The following PTPN4 variants were observed in gnomAD, a reference collection of about 807,000 sequenced individuals.
PTPN4 encodes the protein tyrosine-protein phosphatase non-receptor type 4.
In PTPN4, 49 loss-of-function variants were observed where a neutral mutation model predicts 135.5. The ratio of observed to expected loss-of-function variants is 0.36; its 90% CI spans 0.29 to 0.46. The LOEUF is 0.46. PTPN4 is among the 20% of genes least tolerant of loss of function. The probability of loss-of-function intolerance (pLI) is 1.00; values close to 1 mark genes in which losing one functional copy is unlikely to be tolerated. For missense variants in PTPN4, 860 were observed against 1,101.0 expected, an observed-to-expected ratio of 0.78 and a Z score of 3.10; for synonymous variants, 333 against 369.9, an observed-to-expected ratio of 0.90 and a Z score of 1.14.
intron 1 of PTPN4, among the ~76,000 whole-genome samples, chr2:119,773,807 C>T (rs1690779604): frequency 6.6e-6 from 1 of 151,356 alleles, no homozygotes; most frequent in South Asian, 2.1e-4. Context: ...AGATACTAGT[C>T]TACTTTATCA....
intron 2 of PTPN4, among the ~76,000 whole-genome samples, chr2:119,849,663 A>G (rs1677561944): frequency 1.3e-5 from 2 of 152,098 alleles, no homozygotes; most frequent in Admixed American, 1.3e-4. Context: ...CCTCCCTTCC[A>G]AGGCTTGTCG....
chr2:119,830,741 C>T (rs1173038739), intron 2 of PTPN4, among the ~76,000 whole-genome samples: 4 of 152,098 alleles, frequency 2.6e-5, no homozygotes, highest in Non-Finnish European at 5.9e-5. Flanking sequence ...GTGCTACAGG[C>T]ATGAGCCACC....
intron 22 of PTPN4, among the ~76,000 whole-genome samples, chr2:119,959,396 T>G (rs941142316): frequency 6.6e-6 from 1 of 152,206 alleles, no homozygotes; most frequent in Non-Finnish European, 1.5e-5. Flanking sequence ...GAGCAAAAGT[T>G]TGGTAATACT....
Position 119,962,662 on chromosome 2 carries a change from A to G in PTPN4, c.2327A>G (p.Tyr776Cys), listed in dbSNP as rs1480205687. Residue 776 changes from tyrosine (Y) to cysteine (C), a missense_variant, in exon 24 of 27, where the codon TAT (tyrosine) becomes TGT (cysteine). Tyr to Cys is a radical substitution (Grantham distance 194). Coordinates refer to ENST00000263708, the MANE Select transcript of PTPN4 (RefSeq NM_002830.4). ...YWPEPTGSSS[Y>C]GCYQVTCHSE... Reference sequence around the variant, plus strand: ...CCAGAACCCACAGGCAGTTCATCTTATGGATGCTACCAAGTTACCTGCCAC... The same window carrying G: ...CCAGAACCCACAGGCAGTTCATCTTGTGGATGCTACCAAGTTACCTGCCAC... 6.3e-7 allele frequency: 1 copy of G among 1,585,728 alleles called. No individual in the cohort carries two copies. The highest frequency in any genetic ancestry group is 1.7e-5 in the Admixed American group (1 of 58,924).
At position 119,795,449 on chromosome 2, in the gene PTPN4, C is replaced by T. The variant is rs902952578; in HGVS notation, c.-17-14388C>T. 9.2e-5 allele frequency among the ~76,000 whole-genome samples: 14 copies of T among 152,238 alleles called. No homozygotes were observed. In the East Asian group the frequency reaches 1.7e-3, roughly 19 times the overall value. On this transcript the variant is annotated intron_variant, in intron 1 of 26. Coordinates refer to ENST00000263708, the MANE Select transcript of PTPN4 (RefSeq NM_002830.4). ...CCCTCCTCGGCCTTTCTCCTGTGCT[C>T]GTTGGCACCCAAAGTCCAGAGGGGG...
At chr2:119,829,683 T>C (rs1677192884) in intron 2 of PTPN4, among the ~76,000 whole-genome samples, 1 of 152,264 alleles carries the variant, frequency 6.6e-6, no homozygotes. Flanking sequence ...AATGTTTTAT[T>C]GTATGGGTAT....
At chr2:119,810,228 G>T (rs1691553610) in intron 2 of PTPN4, among the ~76,000 whole-genome samples, 1 of 152,164 alleles carries the variant, frequency 6.6e-6, no homozygotes, top group Non-Finnish European at 1.5e-5. Context: ...GATTAGTAGA[G>T]CAGATCCATA....
At position 119,844,299 on chromosome 2, in the gene PTPN4, CCCGGACGGGGCGGCTGG is replaced by C. The variant is rs1373525974; in HGVS notation, c.139-18215_139-18199del. ...GGAGGGCTCACCCCCCCACCTCCCT[CCCGGACGGGGCGGCTGG>C]CCGGACGGGGCGGCTGGCCGGGCGG... On this transcript the variant is annotated intron_variant, in intron 2 of 26. Transcript: ENST00000263708. Among the ~76,000 whole-genome samples the C allele has an allele frequency of 8.8e-4, 120 of 136,000 alleles. 1 individual carries two copies. Among genetic ancestry groups the C allele is most frequent in the Non-Finnish European group, 1.2e-3 (73 of 61,950 alleles). 89.2% of individuals were successfully genotyped at this position (136,000 alleles called of 152,430 possible).
At chr2:119,912,158 G>A (rs968950287) in intron 10 of PTPN4, among the ~76,000 whole-genome samples, 6 of 152,102 alleles carry the variant, frequency 3.9e-5, no homozygotes, top group Non-Finnish European at 5.9e-5. Context: ...ATAATTAAGC[G>A]GAGTGACAAG....
chr2:119,916,271 T>C (rs948311107), intron 11 of PTPN4: 2 of 150,986 alleles, frequency 1.3e-5, no homozygotes, highest in South Asian at 4.2e-4. Context: ...CTTGGAAGGC[T>C]GAGGTGGGTG....
intron 2 of PTPN4, among the ~76,000 whole-genome samples, chr2:119,846,903 G>A (rs1258605405): frequency 6.6e-6 from 1 of 150,632 alleles, no homozygotes; most frequent in African/African-American, 2.4e-5. Flanking sequence ...CCCTTCTTGT[G>A]CTATTATTCT....
chr2:119,813,736 G>A (rs918470760), intron 2 of PTPN4, among the ~76,000 whole-genome samples: 1 of 152,156 alleles, frequency 6.6e-6, no homozygotes, highest in African/African-American at 2.4e-5. Flanking sequence ...CATCATGTGG[G>A]ATCAGAAATG....
At chr2:119,790,040 T>C (rs572640243) in intron 1 of PTPN4, among the ~76,000 whole-genome samples, 4 of 152,282 alleles carry the variant, frequency 2.6e-5, no homozygotes, top group Admixed American at 6.5e-5. Flanking sequence ...CTGTTACTCA[T>C]TTCTAATTTT....
rs1270569378 is a variant in PTPN4, at chr2:119,923,875, C to T, written c.1002-2723C>T. Among the ~76,000 whole-genome samples the T allele has an allele frequency of 4.6e-5, 7 of 152,164 alleles. No individual in the cohort carries two copies. The South Asian group carries it at 1.0e-3, about 23-fold the overall frequency. ...AAATGAGGCTGGGCACGGTGGCTCACGCCTGTAATCCCAGCACTTTGGGAG... is the reference window on the plus strand; with the variant it reads ...AAATGAGGCTGGGCACGGTGGCTCATGCCTGTAATCCCAGCACTTTGGGAG... On this transcript the variant is annotated intron_variant, in intron 12 of 26. Transcript: ENST00000263708.
intron 10 of PTPN4, among the ~76,000 whole-genome samples, chr2:119,908,954 T>C (rs574545073): frequency 6.6e-6 from 1 of 152,140 alleles, no homozygotes; most frequent in African/African-American, 2.4e-5. Flanking sequence ...TTAAGCTTAA[T>C]CCAGAACAAG....
intron 12 of PTPN4, among the ~76,000 whole-genome samples, chr2:119,926,161 A>T (rs1038043580): frequency 1.3e-5 from 2 of 152,250 alleles, no homozygotes; most frequent in Admixed American, 1.3e-4. Flanking sequence ...AGTAATGAGA[A>T]TGTCTCAAAT....
At chr2:119,841,347 CTA>C (rs901869874) in intron 2 of PTPN4, among the ~76,000 whole-genome samples, 55 of 152,156 alleles carry the variant, frequency 3.6e-4, no homozygotes, top group African/African-American at 1.3e-3. Context: ...ATGTATGTGT[CTA>C]TGTGTGTGTA....
intron 10 of PTPN4, among the ~76,000 whole-genome samples, chr2:119,904,363 A>G (rs7561513): frequency 0.025 from 3,854 of 152,282 alleles, 164 homozygotes; most frequent in African/African-American, 0.087. Context: ...ATAACCTAGT[A>G]ATTTTTTAAA....
chr2:119,776,463 C>G (rs1002503550), intron 1 of PTPN4, among the ~76,000 whole-genome samples: 1 of 152,180 alleles, frequency 6.6e-6, no homozygotes. Context: ...CGTAAGCCAC[C>G]GCACCTGGCC....
Sources: gnomAD v4.1 joint callset for allele counts (sites outside exome capture counted in the v4.1 genomes callset) on GRCh38, gnomAD v4.1.1 for gene constraint, MANE v1.5 for transcripts, NCBI Gene and HGNC (gene_info 2026-07-23, HGNC 2026-07-21) for gene names.